NEK11: variants seen among roughly 807,000 people sequenced by gnomAD.
The protein encoded by NEK11 is serine/threonine-protein kinase Nek11.
A neutral mutation model predicts 80.7 loss-of-function variants in NEK11; 72 were observed. The ratio of observed to expected loss-of-function variants is 0.89; its 90% CI spans 0.74 to 1.08. NEK11 has a LOEUF of 1.08. Ranked by LOEUF, NEK11 falls within the 50% of genes least tolerant of loss-of-function variation. The pLI, the probability that NEK11 is intolerant of heterozygous loss-of-function variation, is 0.00. For synonymous variants in NEK11, 251 were observed against 260.7 expected, an observed-to-expected ratio of 0.96 and a Z score of 0.36; for missense variants, 764 against 763.6, an observed-to-expected ratio of 1.00 and a Z score of -0.01.
At chr3:131,300,363 T>C (rs2096647576) in intron 17 of NEK11, among the ~76,000 whole-genome samples, 1 of 152,242 alleles carries the variant, frequency 6.6e-6, no homozygotes, top group African/African-American at 2.4e-5. Context: ...TCTTTTGATG[T>C]GCAGAAGCTC....
chr3:131,035,691 C>CT (rs60578986), intron 3 of NEK11, among the ~76,000 whole-genome samples: 29,288 of 152,198 alleles, frequency 0.19, 2,876 homozygotes, highest in Non-Finnish European at 0.21. Context: ...GTACCTCCTC[C>CT]TTTGTGCACC....
rs1254067258 is a variant in NEK11 at position 131,203,765 on chromosome 3, GTGTATATATATATATATATA to G, written c.1400-24761_1400-24742del. Among the ~76,000 whole-genome samples, 262 of 104,294 alleles carry G rather than the reference GTGTATATATATATATATATA, an allele frequency of 2.5e-3. 6 individuals carry two copies. Among genetic ancestry groups the G allele is most frequent in the African/African-American group, 1.0e-2 (239 of 23,928 alleles). The allele number at this position is 104,294 out of a possible 152,430, so 68.4% of individuals were successfully genotyped here. On this transcript the variant is annotated intron_variant, in intron 14 of 17. Coordinates refer to ENST00000383366, the MANE Select transcript of NEK11 (RefSeq NM_024800.5). ...TATATATATGTGTGTGTGTGTGTGT[GTGTATATATATATATATATA>G]TATATATATATATATATATATATAT...
chr3:131,133,945 G>T lies in NEK11; in HGVS notation c.636G>T (p.Lys212Asn), dbSNP rs2085036163. 1.9e-6 allele frequency: 3 copies of T among 1,609,028 alleles called. No homozygotes were observed. Among genetic ancestry groups the T allele is most frequent in the East Asian group, 4.5e-5 (2 of 44,766 alleles). Residue 212 changes from lysine (K) to asparagine (N), a missense_variant, in exon 7 of 18, where the codon AAG becomes AAT. Transcript: ENST00000383366. ...TGAAACACCAAGGCTATGACACAAAGTCGGACATCTGGTGAGTGGGCTAGT... is the reference window on the plus strand; with the variant it reads ...TGAAACACCAAGGCTATGACACAAATTCGGACATCTGGTGAGTGGGCTAGT... ...EALKHQGYDT[K>N]SDIWSLACIL... is the part of the protein sequence containing the mutation.
Position 131,029,741 on chromosome 3 carries a change from G to A in NEK11, c.33G>A (p.Val11=), listed in dbSNP as rs778565376. ...AATTCCAAGAGGCAGCTAAGTGTGT[G>A]AGTGGATCAACAGCCATTTCCACTT... MLKFQEAAKC[V]SGSTAISTYP... Residue 11 remains valine (V), a synonymous_variant, in exon 3 of 18, where the codon GTG becomes GTA. Transcript: ENST00000383366. The A allele has an allele frequency of 1.9e-6, 3 of 1,614,048 alleles. No homozygotes were observed. The highest frequency in any genetic ancestry group is 2.5e-6 in the Non-Finnish European group (3 of 1,180,014).
intron 3 of NEK11, among the ~76,000 whole-genome samples, chr3:131,070,018 TA>T (rs747073130): frequency 1.3e-5 from 2 of 152,346 alleles, no homozygotes; most frequent in Non-Finnish European, 2.9e-5. Flanking sequence ...TTCATTAGAA[TA>T]TTGCATTTTG....
At chr3:131,245,689 T>G (rs1580803790) in intron 16 of NEK11, among the ~76,000 whole-genome samples, 1 of 152,122 alleles carries the variant, frequency 6.6e-6, no homozygotes, top group African/African-American at 2.4e-5. Context: ...TATCTGATGA[T>G]TAGTGATGTT....
chr3:131,143,515 GT>G (rs1337625991), intron 7 of NEK11, among the ~76,000 whole-genome samples: 1 of 151,804 alleles, frequency 6.6e-6, no homozygotes, highest in African/African-American at 2.4e-5. Context: ...TTTGAGTTTT[GT>G]TCTGTAGCTG....
At chr3:131,151,130 T>G (rs1309565064) in intron 7 of NEK11, among the ~76,000 whole-genome samples, 1 of 152,046 alleles carries the variant, frequency 6.6e-6, no homozygotes. Flanking sequence ...ATGGAAACAG[T>G]CTAGGATTTG....
intron 4 of NEK11, among the ~76,000 whole-genome samples, chr3:131,105,669 GACTC>G (rs747558478): frequency 6.6e-6 from 1 of 152,096 alleles, no homozygotes; most frequent in Non-Finnish European, 1.5e-5. Flanking sequence ...GATCTTCTGA[GACTC>G]ACTCACTGTC....
At chr3:131,240,460 C>T (rs2095502829) in intron 15 of NEK11, among the ~76,000 whole-genome samples, 1 of 152,118 alleles carries the variant, frequency 6.6e-6, no homozygotes, top group Non-Finnish European at 1.5e-5. Context: ...TATTTTTCTC[C>T]AAATGGGAGG....
chr3:131,211,068 T>C (rs2094597195), intron 14 of NEK11, among the ~76,000 whole-genome samples: 1 of 152,196 alleles, frequency 6.6e-6, no homozygotes, highest in South Asian at 2.1e-4. Flanking sequence ...CTTCCTAGCA[T>C]TGATGGTCTT....
At chr3:131,332,811 G>A (rs962881675) in intron 17 of NEK11, among the ~76,000 whole-genome samples, 4 of 152,222 alleles carry the variant, frequency 2.6e-5, no homozygotes, top group Admixed American at 6.5e-5. Context: ...CGAGAACTGC[G>A]TGAAGAATGC....
intron 5 of NEK11, 76 bp downstream of exon 5, chr3:131,109,997 T>C: frequency 2.0e-6 from 3 of 1,468,494 alleles, no homozygotes; most frequent in East Asian, 2.5e-5. Flanking sequence ...GAATTTTTTT[T>C]CTATAATTGA....
At chr3:131,077,778 A>G in intron 3 of NEK11, among the ~76,000 whole-genome samples, 1 of 152,202 alleles carries the variant, frequency 6.6e-6, no homozygotes. Flanking sequence ...GTAGTTAAAA[A>G]AAGTGTCTTG....
chr3:131,161,796 T>C (rs1319706240), intron 10 of NEK11, among the ~76,000 whole-genome samples: 1 of 152,214 alleles, frequency 6.6e-6, no homozygotes, highest in African/African-American at 2.4e-5. Context: ...TGAGTTTACC[T>C]ATATAACAAA....
chr3:131,286,302 C>G (rs113641834), intron 17 of NEK11, among the ~76,000 whole-genome samples: 1 of 152,128 alleles, frequency 6.6e-6, no homozygotes, highest in Non-Finnish European at 1.5e-5. Flanking sequence ...ACTTCTTGGG[C>G]AGTATTTATG....
At chr3:131,130,503 T>C (rs1578788199) in intron 5 of NEK11, among the ~76,000 whole-genome samples, 1 of 152,302 alleles carries the variant, frequency 6.6e-6, no homozygotes, top group Admixed American at 6.5e-5. Context: ...GGGACATTTT[T>C]CCCTTGTTCC....
intron 7 of NEK11, 41 bp from the exon 8 acceptor site, chr3:131,152,347 G>A (rs1326569306): frequency 3.9e-6 from 6 of 1,537,814 alleles, no homozygotes; most frequent in Non-Finnish European, 5.3e-6. Context: ...TTTAAAATAG[G>A]ATATTTGTTC....
chr3:131,284,236 CTT>C (rs1423041341), intron 17 of NEK11, among the ~76,000 whole-genome samples: 2 of 152,228 alleles, frequency 1.3e-5, no homozygotes, highest in Non-Finnish European at 2.9e-5. Flanking sequence ...GACTTATCAT[CTT>C]TCTCTGAAGC....
Sources: allele counts gnomAD v4.1 joint callset (sites outside exome capture counted in the v4.1 genomes callset), GRCh38; gene constraint gnomAD v4.1.1; transcripts MANE v1.5; gene names NCBI Gene and HGNC (gene_info 2026-07-23, HGNC 2026-07-21).